Variants in PIWIL2 observed in about 807,000 individuals in gnomAD.
PIWIL2 encodes the protein piwi like RNA-mediated gene silencing 2, also known as piwi-like protein 2.
A neutral mutation model predicts 116.5 loss-of-function variants in PIWIL2; 81 were observed. The ratio of observed to expected loss-of-function variants is 0.70; its 90% CI spans 0.58 to 0.84. The LOEUF (loss-of-function observed/expected upper bound fraction) is 0.84, where lower values mean the gene tolerates loss of function less well. Among genes scored for constraint, PIWIL2 ranks in the 40% least tolerant of loss-of-function variants. The pLI is 0.00. For missense variants in PIWIL2, 1,272 were observed against 1,212.3 expected, an observed-to-expected ratio of 1.05 and a Z score of -0.73; for synonymous variants, 489 against 429.5, an observed-to-expected ratio of 1.14 and a Z score of -1.71.
intron 20 of PIWIL2, among the ~76,000 whole-genome samples, chr8:22,330,154 C>T (rs1407916582): frequency 6.6e-6 from 1 of 152,028 alleles, no homozygotes; most frequent in Non-Finnish European, 1.5e-5. Flanking sequence ...TTTTCTTATA[C>T]TGGATATAAT....
intron 20 of PIWIL2, among the ~76,000 whole-genome samples, chr8:22,321,668 A>G (rs1270547407): frequency 6.6e-6 from 1 of 152,148 alleles, no homozygotes; most frequent in Admixed American, 6.5e-5. Context: ...GTGAACTATG[A>G]TCATGTCAGC....
chr8:22,342,439 A>G (rs1423841624), intron 20 of PIWIL2, among the ~76,000 whole-genome samples: 1 of 152,222 alleles, frequency 6.6e-6, no homozygotes, highest in Non-Finnish European at 1.5e-5. Flanking sequence ...CGGATAGATA[A>G]GTGGAACAGA....
chr8:22,328,817 C>CT (rs1563408402), intron 20 of PIWIL2, among the ~76,000 whole-genome samples: 1,439 of 46,550 alleles, frequency 0.031, 22 homozygotes, highest in African/African-American at 0.064. Context: ...GAGCTCTAGT[C>CT]GTTTTTTTTT....
rs146418274 is a variant in PIWIL2 at position 22,285,251 on chromosome 8, G to GCC, written c.743+980_743+981dup. Among the ~76,000 whole-genome samples the GCC allele has an allele frequency of 8.6e-4, 131 of 152,256 alleles. No homozygotes were observed. In the East Asian group the frequency reaches 0.021, roughly 24 times the overall value. On this transcript the variant is annotated intron_variant, in intron 6 of 22. Coordinates refer to ENST00000356766, the MANE Select transcript of PIWIL2 (RefSeq NM_018068.5). Reference sequence around the variant, plus strand: ...ACCCCTCAACCCCCAGCCTCTGGTAGCCACCTTCCTACTCTCTGTTCACAA... The same window carrying GCC: ...ACCCCTCAACCCCCAGCCTCTGGTAGCCCCACCTTCCTACTCTCTGTTCACAA...
At chr8:22,302,689 C>T (rs1423945937) in intron 10 of PIWIL2, among the ~76,000 whole-genome samples, 1 of 152,264 alleles carries the variant, frequency 6.6e-6, no homozygotes, top group East Asian at 1.9e-4. Flanking sequence ...CCCATGACTC[C>T]ATAAGGCTTC....
chr8:22,290,446 T>C, intron 10 of PIWIL2, 100 bp downstream of exon 10: 2 of 673,836 alleles, frequency 3.0e-6, no homozygotes, highest in Non-Finnish European at 2.6e-6. Flanking sequence ...TCTGTTTGTT[T>C]GTTTTTTCCC....
intron 20 of PIWIL2, among the ~76,000 whole-genome samples, chr8:22,333,653 A>C (rs1831913917): frequency 6.6e-6 from 1 of 152,002 alleles, no homozygotes; most frequent in Admixed American, 6.6e-5. Context: ...ATTTATAAGA[A>C]ATGTTCAGAA....
At chr8:22,342,021 C>T (rs533186729) in intron 20 of PIWIL2, among the ~76,000 whole-genome samples, 47 of 148,776 alleles carry the variant, frequency 3.2e-4, no homozygotes, top group Non-Finnish European at 1.0e-4. Context: ...TGTGTACCAG[C>T]AGTGAACAAT....
chr8:22,354,506 G>T, intron 22 of PIWIL2, 128 bp downstream of exon 22: 2 of 547,144 alleles, frequency 3.7e-6, no homozygotes, highest in South Asian at 2.9e-5. Flanking sequence ...GACAATTATG[G>T]TGTCTTTTTG....
Position 22,281,190 on chromosome 8 carries a change from G to T in PIWIL2, c.269G>T (p.Arg90Leu), listed in dbSNP as rs775585346. 3 of 1,611,292 alleles carry T rather than the reference G, an allele frequency of 1.9e-6. No homozygotes were observed. Among genetic ancestry groups the T allele is most frequent in the South Asian group, 2.2e-5 (2 of 90,550 alleles). Reference sequence around the variant, plus strand: ...ACAGTTTCTAAGACCCCTCTGAAACGGGAAATGCTTCCATCAGGTATGTGG... The same window carrying T: ...ACAGTTTCTAAGACCCCTCTGAAACTGGAAATGCTTCCATCAGGTATGTGG... ...IETVSKTPLK[R>L]EMLPSGRGIL... Residue 90 changes from arginine to leucine, a missense_variant, in exon 3 of 23, where the codon CGG becomes CTG. Transcript: ENST00000356766.
chr8:22,347,776 C>T (rs185706938), intron 20 of PIWIL2, among the ~76,000 whole-genome samples: 1,705 of 151,946 alleles, frequency 0.011, 32 homozygotes, highest in African/African-American at 0.039. Context: ...ATCCGCCCAC[C>T]TCGGCCTCCC....
intron 20 of PIWIL2, among the ~76,000 whole-genome samples, chr8:22,344,528 TACAG>T (rs1238489819): frequency 6.6e-6 from 1 of 152,110 alleles, no homozygotes; most frequent in Non-Finnish European, 1.5e-5. Flanking sequence ...TTTAAAAACA[TACAG>T]ACACACAATG....
chr8:22,305,136 T>G (rs2132032151), intron 12 of PIWIL2, among the ~76,000 whole-genome samples: 1 of 152,248 alleles, frequency 6.6e-6, no homozygotes, highest in South Asian at 2.1e-4. Context: ...GAAGGAAGAT[T>G]AAAACTCTGA....
chr8:22,319,710 C>T (rs190132808), intron 20 of PIWIL2, among the ~76,000 whole-genome samples: 1 of 152,308 alleles, frequency 6.6e-6, no homozygotes, highest in African/African-American at 2.4e-5. Flanking sequence ...TTCACATGGG[C>T]TCTTTGGGCC....
intron 20 of PIWIL2, among the ~76,000 whole-genome samples, chr8:22,335,543 C>CTTTTTTTTTTTTTTTTTTTTTTTTTTTT: frequency 1.1e-5 from 1 of 92,220 alleles, no homozygotes; most frequent in Non-Finnish European, 2.2e-5. Flanking sequence ...ACAAAATAGA[C>CTTTTTTTTTTTTTTTTTTTTTTTTTTTT]TTTTTTTTTT....
chr8:22,352,477 G>A (rs1361497117), intron 20 of PIWIL2, among the ~76,000 whole-genome samples: 1 of 152,176 alleles, frequency 6.6e-6, no homozygotes, highest in African/African-American at 2.4e-5. Flanking sequence ...GTAAAGGGAC[G>A]TTTCACTTGT....
At chr8:22,281,731 C>T (rs1249837539) in intron 4 of PIWIL2, among the ~76,000 whole-genome samples, 1 of 149,424 alleles carries the variant, frequency 6.7e-6, no homozygotes, top group African/African-American at 2.5e-5. Flanking sequence ...TTCAAAAATT[C>T]ATTTGTCCTC....
intron 20 of PIWIL2, among the ~76,000 whole-genome samples, chr8:22,341,666 A>G (rs976218853): frequency 6.6e-6 from 1 of 152,072 alleles, no homozygotes; most frequent in Admixed American, 6.6e-5. Context: ...GATTTTTAAA[A>G]TCTACAAAAA....
intron 10 of PIWIL2, among the ~76,000 whole-genome samples, chr8:22,300,522 A>G (rs1831020613): frequency 6.6e-6 from 1 of 152,168 alleles, no homozygotes; most frequent in Admixed American, 6.5e-5. Flanking sequence ...GTTAGTAGAT[A>G]CCTGGGAGCG....
Sources: allele counts gnomAD v4.1 joint callset (sites outside exome capture counted in the v4.1 genomes callset), GRCh38; gene constraint gnomAD v4.1.1; transcripts MANE v1.5; gene names NCBI Gene and HGNC (gene_info 2026-07-23, HGNC 2026-07-21).